The following SHPK variants were observed in gnomAD, a reference collection of about 807,000 sequenced individuals.
SHPK encodes sedoheptulokinase.
In SHPK, 51 loss-of-function variants were observed where a neutral mutation model predicts 46.3. That is an observed-to-expected ratio of 1.10 (90% CI 0.88 to 1.39). The LOEUF (loss-of-function observed/expected upper bound fraction) is 1.39, where lower values mean the gene tolerates loss of function less well. Ranked by LOEUF, SHPK falls within the 40% of genes most tolerant of loss-of-function variation. The pLI, the probability that SHPK is intolerant of heterozygous loss-of-function variation, is 0.00. For synonymous variants in SHPK, 290 were observed against 273.9 expected (o/e 1.06, Z -0.58); for missense variants, 668 against 641.3 (o/e 1.04, Z -0.45).
In SHPK at chr17:3,631,571, A is replaced by G. The variant is rs182965062; in HGVS notation, c.169-1225T>C. ...AGAGTCTCTCTCTATTGCTCAGGCT[A>G]GAGTGCAGTGGCATAATCTTGGCTC... On this transcript the variant is annotated intron_variant, in intron 1 of 6. Transcript: ENST00000225519. Among the ~76,000 whole-genome samples, 64 of 114,412 alleles carry G rather than the reference A, an allele frequency of 5.6e-4. No individual in the cohort carries two copies. In the East Asian group the frequency reaches 0.018, roughly 32 times the overall value. 75.1% of individuals were successfully genotyped at this position (114,412 alleles called of 152,430 possible). A position where few individuals can be genotyped will look rare whatever the true frequency, so the allele number is the denominator to read the frequency against.
rs2075335535 is a variant in SHPK at position 3,610,896 on chromosome 17, G to A, written c.1101C>T (p.Thr367=). The change falls in exon 7 of 7, where the codon ACC becomes ACT. Residue 367 remains threonine (T), a synonymous_variant. Transcript: ENST00000225519. ...AAVQQRDTHL[T]ITPTVLGERH... ...TCTCCCCCAGCACTGTCGGGGTGAT[G>A]GTCAGGTGGGTATCTCTCTGCTGCA... 1.9e-6 allele frequency: 3 copies of A among 1,613,988 alleles called. No homozygotes were observed. Among genetic ancestry groups the A allele is most frequent in the Non-Finnish European group, 2.5e-6 (3 of 1,179,984 alleles).
chr17:3,617,699 T>C (rs570011157), intron 5 of SHPK, among the ~76,000 whole-genome samples: 1 of 152,150 alleles, frequency 6.6e-6, no homozygotes, highest in Non-Finnish European at 1.5e-5. Flanking sequence ...TCAGAAACAA[T>C]GGGATATATT....
At chr17:3,620,767 G>T (rs1346984434) in intron 5 of SHPK, among the ~76,000 whole-genome samples, 1 of 151,264 alleles carries the variant, frequency 6.6e-6, no homozygotes, top group Non-Finnish European at 1.5e-5. Context: ...CACCATCTTG[G>T]CCAGGCTGGT....
At chr17:3,625,821 G>A (rs1441675701) in intron 2 of SHPK, among the ~76,000 whole-genome samples, 1 of 152,242 alleles carries the variant, frequency 6.6e-6, no homozygotes, top group African/African-American at 2.4e-5. Context: ...GGGAGGCCAA[G>A]GTGGGCGGAT....
At chr17:3,620,637 C>T (rs1597571518) in intron 5 of SHPK, among the ~76,000 whole-genome samples, 1 of 151,754 alleles carries the variant, frequency 6.6e-6, no homozygotes, top group East Asian at 1.9e-4. Flanking sequence ...TCTCAGCTCA[C>T]TGAAACCTCC....
At chr17:3,620,805 T>C (rs161368) in intron 5 of SHPK, among the ~76,000 whole-genome samples, 95,779 of 148,680 alleles carry the variant, frequency 0.64, 31,013 homozygotes, top group East Asian at 0.98. Flanking sequence ...GTGATCCGCC[T>C]GCCTCGGCCT....
intron 5 of SHPK, among the ~76,000 whole-genome samples, chr17:3,620,165 T>G (rs1178304308): frequency 2.0e-5 from 3 of 152,220 alleles, no homozygotes; most frequent in African/African-American, 7.2e-5. Context: ...GAAAATATTT[T>G]CTGCCCTTTA....
At chr17:3,626,194 G>T (rs2075436049) in intron 2 of SHPK, among the ~76,000 whole-genome samples, 2 of 152,146 alleles carry the variant, frequency 1.3e-5, no homozygotes, top group South Asian at 4.1e-4. Context: ...TTGGAATTCT[G>T]TCTTTGAAAT....
chr17:3,615,057 C>T lies in SHPK; in HGVS notation c.1024+280G>A, dbSNP rs561112042. 7.6e-5 allele frequency among the ~76,000 whole-genome samples: 11 copies of T among 145,084 alleles called. No individual in the cohort carries two copies. The South Asian group carries it at 1.2e-3, about 16-fold the overall frequency. On this transcript the variant is annotated intron_variant, in intron 6 of 6. Transcript: ENST00000225519. Reference sequence around the variant, plus strand: ...AGGAGAAAAGAGGGAGCAGGGAGGGCGGGGGAAAGCTGGGGAGACTGTTAG... The same window carrying T: ...AGGAGAAAAGAGGGAGCAGGGAGGGTGGGGGAAAGCTGGGGAGACTGTTAG...
At position 3,620,857 on chromosome 17, in the gene SHPK, C is replaced by A. The variant is rs185489058; in HGVS notation, c.823+380G>T. On this transcript the variant is annotated intron_variant, in intron 5 of 6. Coordinates refer to ENST00000225519, the MANE Select transcript of SHPK (RefSeq NM_013276.4). ...TACAGGCGTGAGCCACCGCGCCCAG[C>A]CTATCCTGCACTTCTAATCAGATCT... 1.2e-3 allele frequency among the ~76,000 whole-genome samples: 182 copies of A among 152,356 alleles called. 1 individual carries two copies. The highest frequency in any genetic ancestry group is 0.01 in the Middle Eastern group (3 of 294).
In SHPK at chr17:3,621,544, CCTT is replaced by C. The variant is rs746084731; in HGVS notation, c.648-135_648-133del. 7.4e-5 allele frequency: 43 copies of C among 580,468 alleles called. 1 individual carries two copies. In the Middle Eastern group the frequency reaches 4.7e-3, roughly 63 times the overall value. 36.0% of individuals were successfully genotyped at this position (580,468 alleles called of 1,614,324 possible). A position where few individuals can be genotyped will look rare whatever the true frequency, so the allele number is the denominator to read the frequency against. Reference sequence around the variant, plus strand: ...CTTCCTTTCCTTTCCTCCCTCCCTCCCTTCTCTTTACTCCTTCCCTCTTTCCCT... The same window carrying C: ...CTTCCTTTCCTTTCCTCCCTCCCTCCCTCTTTACTCCTTCCCTCTTTCCCT... On this transcript the variant is annotated intron_variant, in intron 4 of 6. Transcript: ENST00000225519.
chr17:3,630,072 C>T (rs1047038781), intron 2 of SHPK, 133 bp downstream of exon 2: 19 of 1,128,774 alleles, frequency 1.7e-5, no homozygotes, highest in African/African-American at 1.1e-4. Flanking sequence ...AGCACGTATT[C>T]GTCCACTCCA....
rs563551041 is a variant in SHPK, at chr17:3,614,618, C to T, written c.1024+719G>A. Among the ~76,000 whole-genome samples, 11 of 152,174 alleles carry T rather than the reference C, an allele frequency of 7.2e-5. No individual in the cohort carries two copies. In the South Asian group the frequency reaches 1.9e-3, roughly 26 times the overall value. The stretch of plus-strand genomic sequence containing the variant: ...ATCCCAGCACTTTGGGAGGCCGAGG[C>T]GGGTGGATCACCTGAGGTCAGGAGT... On this transcript the variant is annotated intron_variant, in intron 6 of 6. Coordinates refer to ENST00000225519, the MANE Select transcript of SHPK (RefSeq NM_013276.4).
At chr17:3,622,925 G>A (rs1415995455) in intron 4 of SHPK, among the ~76,000 whole-genome samples, 3 of 151,976 alleles carry the variant, frequency 2.0e-5, no homozygotes, top group Non-Finnish European at 2.9e-5. Context: ...GGCTGGTCTC[G>A]AACTCCTGAC....
intron 6 of SHPK, among the ~76,000 whole-genome samples, chr17:3,612,035 C>A (rs574680387): frequency 6.6e-6 from 1 of 151,766 alleles, no homozygotes; most frequent in Admixed American, 6.6e-5. Context: ...AGCTCTCGAC[C>A]TCAAGTGATC....
chr17:3,620,364 C>T (rs965499530), intron 5 of SHPK, among the ~76,000 whole-genome samples: 11 of 151,876 alleles, frequency 7.2e-5, no homozygotes, highest in African/African-American at 2.4e-4. Flanking sequence ...GGGTTCACAC[C>T]ATTCTCCTGC....
intron 6 of SHPK, among the ~76,000 whole-genome samples, chr17:3,614,708 C>T (rs1390445388): frequency 1.4e-5 from 2 of 145,824 alleles, no homozygotes; most frequent in Non-Finnish European, 3.0e-5. Flanking sequence ...ATTTGCCAGG[C>T]GTGGTGGCGC....
intron 3 of SHPK, among the ~76,000 whole-genome samples, chr17:3,623,739 C>T (rs182124273): frequency 9.8e-5 from 15 of 152,354 alleles, no homozygotes; most frequent in Admixed American, 8.5e-4. Flanking sequence ...GAAAAGCAGA[C>T]GTCAGCCTCC....
chr17:3,608,384 A>T lies in SHPK; in HGVS notation c.*2176T>A, dbSNP rs557802926. On this transcript the variant is annotated 3_prime_UTR_variant, in exon 7 of 7. Coordinates refer to ENST00000225519, the MANE Select transcript of SHPK (RefSeq NM_013276.4). The stretch of plus-strand genomic sequence containing the variant: ...AGCCAGCATCACTACCAGCATCACT[A>T]CTCTGGTGCTTTGGGGCCCTAATGA... The T allele has an allele frequency of 1.3e-5, 2 of 151,936 alleles. No homozygotes were observed. Among genetic ancestry groups the T allele is most frequent in the African/African-American group, 4.8e-5 (2 of 41,416 alleles). The allele number at this position is 151,936 out of a possible 1,614,324, so 9.4% of individuals were successfully genotyped here.
Sources: gnomAD v4.1 joint callset for allele counts (sites outside exome capture counted in the v4.1 genomes callset) on GRCh38, gnomAD v4.1.1 for gene constraint, MANE v1.5 for transcripts, NCBI Gene and HGNC (gene_info 2026-07-23, HGNC 2026-07-21) for gene names.